The following CBFA2T3 variants were observed in gnomAD, a reference collection of about 807,000 sequenced individuals.
CBFA2T3 encodes transcriptional corepressor CBFA2T3.
Under a neutral mutation model 58.6 loss-of-function variants are expected in CBFA2T3, and 31 were observed. The ratio of observed to expected loss-of-function variants is 0.53; its 90% CI spans 0.40 to 0.71. The LOEUF (loss-of-function observed/expected upper bound fraction) is 0.71. Ranked by LOEUF, CBFA2T3 falls within the 30% of genes least tolerant of loss-of-function variation. The pLI, the probability that CBFA2T3 is intolerant of heterozygous loss-of-function variation, is 0.00. For synonymous variants in CBFA2T3, 531 were observed against 421.9 expected (o/e 1.26, Z -3.17); for missense variants, 1,076 against 963.1 (o/e 1.12, Z -1.55).
chr16:88,893,831 C>A (rs1470310753), intron 3 of CBFA2T3, among the ~76,000 whole-genome samples: 1 of 152,188 alleles, frequency 6.6e-6, no homozygotes, highest in Non-Finnish European at 1.5e-5. Context: ...GGCCAGCGCA[C>A]CCCTCCTGCG....
chr16:88,902,399 T>C lies in CBFA2T3; in HGVS notation c.152-743A>G, dbSNP rs1171618281. 5 of 152,248 alleles carry C rather than the reference T, an allele frequency of 3.3e-5. No homozygotes were observed. The East Asian group carries it at 7.7e-4, about 23-fold the overall frequency. The allele number at this position is 152,248 out of a possible 1,614,324, so 9.4% of individuals were successfully genotyped here. On this transcript the variant is annotated intron_variant, in intron 1 of 11. Coordinates refer to ENST00000268679, the MANE Select transcript of CBFA2T3 (RefSeq NM_005187.6). ...TGGTAACGCCAGGACACGTGATTAA[T>C]GAGAACCTGCAGCTGAACAAGATTC...
intron 1 of CBFA2T3, among the ~76,000 whole-genome samples, chr16:88,906,968 T>A (rs1049666305): frequency 2.0e-5 from 3 of 151,532 alleles, no homozygotes; most frequent in African/African-American, 7.3e-5. Flanking sequence ...GAGGCTGGGG[T>A]GGGTGGCCCG....
intron 1 of CBFA2T3, among the ~76,000 whole-genome samples, chr16:88,976,087 C>T (rs1972853344): frequency 6.6e-6 from 1 of 152,204 alleles, no homozygotes; most frequent in Non-Finnish European, 1.5e-5. Flanking sequence ...CTGGACTGGA[C>T]CCCTCCCCAG....
chr16:88,903,301 C>T (rs1225422557), intron 1 of CBFA2T3, among the ~76,000 whole-genome samples: 1 of 152,238 alleles, frequency 6.6e-6, no homozygotes, highest in Non-Finnish European at 1.5e-5. Context: ...AGGTCCTGCC[C>T]AACATCTCAG....
At chr16:88,914,168 G>A (rs1970614321) in intron 1 of CBFA2T3, among the ~76,000 whole-genome samples, 1 of 152,242 alleles carries the variant, frequency 6.6e-6, no homozygotes. Context: ...AAACGCGGTG[G>A]CCAGGCCCCG....
chr16:88,926,038 G>A (rs1211188801), intron 1 of CBFA2T3, among the ~76,000 whole-genome samples: 2 of 152,228 alleles, frequency 1.3e-5, no homozygotes, highest in African/African-American at 4.8e-5. Context: ...TCCGTGAGAC[G>A]GGGGAGGCCC....
At chr16:88,966,158 A>G (rs1416119652) in intron 1 of CBFA2T3, among the ~76,000 whole-genome samples, 1 of 152,184 alleles carries the variant, frequency 6.6e-6, no homozygotes, top group Non-Finnish European at 1.5e-5. Context: ...CTCTGCTCTG[A>G]GGGTCACTCT....
At chr16:88,947,417 G>A (rs1451577408) in intron 1 of CBFA2T3, among the ~76,000 whole-genome samples, 1 of 152,206 alleles carries the variant, frequency 6.6e-6, no homozygotes, top group African/African-American at 2.4e-5. Flanking sequence ...CTACCCAGCC[G>A]ATTTTTATCC....
intron 1 of CBFA2T3, among the ~76,000 whole-genome samples, chr16:88,906,095 A>C (rs1357572251): frequency 6.6e-6 from 1 of 152,040 alleles, no homozygotes; most frequent in African/African-American, 2.4e-5. Context: ...CCATCACTCG[A>C]AATGGTGGCT....
intron 1 of CBFA2T3, among the ~76,000 whole-genome samples, chr16:88,948,085 A>G (rs1418313082): frequency 6.6e-6 from 1 of 152,230 alleles, no homozygotes; most frequent in Admixed American, 6.5e-5. Context: ...TGTGAAAGCC[A>G]GAGAATCTTC....
intron 1 of CBFA2T3, 136 bp downstream of exon 1, chr16:88,976,521 G>T: frequency 1.5e-6 from 1 of 669,864 alleles, no homozygotes; most frequent in Non-Finnish European, 2.6e-6. Flanking sequence ...GATATCTGAG[G>T]TGAGTCAACA....
chr16:88,916,958 G>A (rs1970758332), intron 1 of CBFA2T3, among the ~76,000 whole-genome samples: 1 of 151,788 alleles, frequency 6.6e-6, no homozygotes, highest in Non-Finnish European at 1.5e-5. Context: ...TAGAAAAAGA[G>A]GGCTGCTTAG....
intron 8 of CBFA2T3, among the ~76,000 whole-genome samples, chr16:88,882,259 G>A (rs1015368513): frequency 2.0e-5 from 3 of 152,258 alleles, no homozygotes; most frequent in Non-Finnish European, 4.4e-5. Context: ...ATGGGGCAGA[G>A]CCATGGCCGT....
At chr16:88,897,259 T>C (rs1053978694) in intron 3 of CBFA2T3, among the ~76,000 whole-genome samples, 45 of 152,324 alleles carry the variant, frequency 3.0e-4, no homozygotes, top group African/African-American at 1.0e-3. Context: ...CACAGAATAA[T>C]GGCTGTGAAA....
chr16:88,877,588 A>T (rs1052597182), intron 11 of CBFA2T3, among the ~76,000 whole-genome samples: 1 of 152,062 alleles, frequency 6.6e-6, no homozygotes. Flanking sequence ...CCGCAAAACC[A>T]AAGGGCGTGG....
rs1968833172 is a variant in CBFA2T3 at position 88,876,538 on chromosome 16, T to C, written c.*438A>G. ...CCCCCAAAATTCTTTGCTGAAAATA[T>C]AAGCCACCAATTCGATTTTTTCATT... On this transcript the variant is annotated 3_prime_UTR_variant, in exon 12 of 12. Transcript: ENST00000268679. 4.2e-6 allele frequency: 1 copy of C among 240,922 alleles called. No homozygotes were observed. The highest frequency in any genetic ancestry group is 8.1e-6 in the Non-Finnish European group (1 of 123,966). 14.9% of individuals were successfully genotyped at this position (240,922 alleles called of 1,614,324 possible).
chr16:88,892,009 C>G (rs752260679), intron 4 of CBFA2T3, 38 bp from the exon 5 acceptor site: 3 of 1,548,888 alleles, frequency 1.9e-6, no homozygotes, highest in Non-Finnish European at 2.7e-6. Context: ...CAGCACCGCT[C>G]GGCATGTGAG....
At chr16:88,930,614 C>T (rs980309454) in intron 1 of CBFA2T3, among the ~76,000 whole-genome samples, 3 of 150,192 alleles carry the variant, frequency 2.0e-5, no homozygotes, top group Non-Finnish European at 4.4e-5. Flanking sequence ...CACCTTCATC[C>T]GCGGTGTCCA....
At position 88,901,486 on chromosome 16, in the gene CBFA2T3, C is replaced by T. The variant is rs988012046; in HGVS notation, c.304+18G>A. 1.1e-5 allele frequency: 15 copies of T among 1,413,378 alleles called. No homozygotes were observed. The highest frequency in any genetic ancestry group is 8.8e-5 in the Admixed American group (3 of 34,236). 87.6% of individuals were successfully genotyped at this position (1,413,378 alleles called of 1,614,324 possible). ...CCTGAAACACCTGGCCCTCGGCTGCCAGGTGGGGGCTACTTACGTGTGTGT... is the reference window on the plus strand; with the variant it reads ...CCTGAAACACCTGGCCCTCGGCTGCTAGGTGGGGGCTACTTACGTGTGTGT... On this transcript the variant is annotated intron_variant, in intron 2 of 11. Transcript: ENST00000268679.
Sources: allele counts gnomAD v4.1 joint callset (sites outside exome capture counted in the v4.1 genomes callset), GRCh38; gene constraint gnomAD v4.1.1; transcripts MANE v1.5; gene names NCBI Gene and HGNC (gene_info 2026-07-23, HGNC 2026-07-21).